The following TTC28 variants were observed in gnomAD, a reference collection of about 807,000 sequenced individuals.
TTC28 encodes the protein tetratricopeptide repeat domain 28.
In TTC28, 61 loss-of-function variants were observed where a neutral mutation model predicts 198.0. The observed-to-expected ratio is 0.31, with a 90% CI of 0.25 to 0.38. The LOEUF (loss-of-function observed/expected upper bound fraction) is 0.38. Ranked by LOEUF, TTC28 falls within the 10% of genes least tolerant of loss-of-function variation. TTC28 has a pLI of 1.00. For missense variants in TTC28, 2,678 were observed against 3,164.0 expected (o/e 0.85, Z 3.69); for synonymous variants, 1,171 against 1,297.8 (o/e 0.90, Z 2.10).
At chr22:28,640,316 G>A (rs574501587) in intron 1 of TTC28, among the ~76,000 whole-genome samples, 1 of 143,258 alleles carries the variant, frequency 7.0e-6, no homozygotes, top group South Asian at 2.5e-4. Flanking sequence ...AAGTAAAGGG[G>A]GGGGGGGGAA....
chr22:28,081,544 G>A (rs1238205595), intron 12 of TTC28, among the ~76,000 whole-genome samples: 1 of 149,592 alleles, frequency 6.7e-6, no homozygotes, highest in African/African-American at 2.5e-5. Flanking sequence ...CTAGGCTGGA[G>A]TGCAGTGACG....
At chr22:28,339,294 T>A (rs1252822383) in intron 2 of TTC28, among the ~76,000 whole-genome samples, 1 of 152,194 alleles carries the variant, frequency 6.6e-6, no homozygotes, top group African/African-American at 2.4e-5. Flanking sequence ...GGTGTCAGTC[T>A]GCCTCTACTG....
At chr22:28,232,901 G>A (rs901089425) in intron 5 of TTC28, 1 of 152,104 alleles carries the variant, frequency 6.6e-6, no homozygotes, top group Non-Finnish European at 1.5e-5. Flanking sequence ...AGGAGTTCAA[G>A]ACCAGCCTGG....
intron 2 of TTC28, among the ~76,000 whole-genome samples, chr22:28,566,065 C>T (rs1309424744): frequency 5.3e-5 from 8 of 151,416 alleles, no homozygotes; most frequent in Non-Finnish European, 1.0e-4. Context: ...GGAATAACAG[C>T]CTTAGCAGAG....
chr22:28,182,251 T>C lies in TTC28; in HGVS notation c.934-18652A>G, dbSNP rs529371105. Reference sequence around the variant, plus strand: ...ATAATTTGACCTGGATTAGGAAACATATTCTATCACAATGCTATCCAATCA... The same window carrying C: ...ATAATTTGACCTGGATTAGGAAACACATTCTATCACAATGCTATCCAATCA... On this transcript the variant is annotated intron_variant, in intron 5 of 22. Transcript: ENST00000397906. 7.9e-5 allele frequency among the ~76,000 whole-genome samples: 12 copies of C among 152,284 alleles called. 1 individual carries two copies. The highest frequency in any genetic ancestry group is 2.9e-4 in the African/African-American group (12 of 41,560).
At chr22:28,305,543 C>A (rs541290426) in intron 3 of TTC28, among the ~76,000 whole-genome samples, 2 of 152,006 alleles carry the variant, frequency 1.3e-5, no homozygotes, top group Non-Finnish European at 2.9e-5. Context: ...TCTAAGGCTG[C>A]GAACATTTTC....
In TTC28 at chr22:28,600,868, G is replaced by T. The variant is rs191411630; in HGVS notation, c.381+28684C>A. On this transcript the variant is annotated intron_variant, in intron 2 of 22. Coordinates refer to ENST00000397906, the MANE Select transcript of TTC28 (RefSeq NM_001145418.2). ...TTCCTGCATGTACTTAAGGCCAATT[G>T]TACTAAAAATATGTCCTTTTCTCAA... Among the ~76,000 whole-genome samples the T allele has an allele frequency of 2.2e-4, 33 of 152,268 alleles. No individual in the cohort carries two copies. In the East Asian group the frequency reaches 6.2e-3, roughly 28 times the overall value.
At chr22:28,459,178 G>A (rs557633837) in intron 2 of TTC28, among the ~76,000 whole-genome samples, 1 of 152,258 alleles carries the variant, frequency 6.6e-6, no homozygotes, top group East Asian at 1.9e-4. Context: ...TGTAATCCCA[G>A]CACTTTGGGA....
intron 1 of TTC28, among the ~76,000 whole-genome samples, chr22:28,644,771 C>T (rs951567991): frequency 9.9e-5 from 15 of 151,670 alleles, no homozygotes; most frequent in Middle Eastern, 6.8e-3. Context: ...TGCAGTAAGC[C>T]GAGATCGCAC....
intron 2 of TTC28, among the ~76,000 whole-genome samples, chr22:28,573,431 C>T (rs1022510142): frequency 1.3e-5 from 2 of 150,678 alleles, no homozygotes; most frequent in East Asian, 2.0e-4. Flanking sequence ...TCCAGCCTGG[C>T]GACAGAGCGA....
intron 2 of TTC28, among the ~76,000 whole-genome samples, chr22:28,504,984 C>T (rs1414059992): frequency 2.0e-5 from 3 of 151,834 alleles, no homozygotes; most frequent in African/African-American, 7.3e-5. Flanking sequence ...GGCCGGGTGC[C>T]GTGACTCACG....
chr22:28,611,210 G>A (rs1447578412), intron 2 of TTC28, among the ~76,000 whole-genome samples: 2 of 152,162 alleles, frequency 1.3e-5, no homozygotes, highest in African/African-American at 4.8e-5. Context: ...AGGAAATACA[G>A]AGAACACCAC....
chr22:28,542,366 AGGAG>A (rs1753894323), intron 2 of TTC28, among the ~76,000 whole-genome samples: 1 of 152,112 alleles, frequency 6.6e-6, no homozygotes, highest in Non-Finnish European at 1.5e-5. Context: ...AAGGTGAGGA[AGGAG>A]GGAGGAACAA....
In TTC28 at chr22:28,107,674, A is replaced by G. The variant is rs1301676109; in HGVS notation, c.2171T>C (p.Phe724Ser). 1.3e-6 allele frequency: 2 copies of G among 1,551,608 alleles called. No homozygotes were observed. The highest frequency in any genetic ancestry group is 4.9e-5 in the East Asian group (2 of 40,920). Residue 724 changes from phenylalanine (F) to serine (S), a missense_variant, in exon 7 of 23, where the codon TTC becomes TCC. Physicochemically the swap from Phe to Ser is radical, Grantham distance 155. This residue lies in a region of TTC28 where 775 missense variants were observed against 845.9 expected (regional missense o/e 0.92). Transcript: ENST00000397906. ...FRALGNLGDI[F>S]ICKKDINGAI... ...ACCATTTATATCTTTTTTACAGATG[A>G]ATATATCGCCCAGGTTTCCTAGGGC...
At chr22:28,209,407 C>A (rs942832206) in intron 5 of TTC28, among the ~76,000 whole-genome samples, 5 of 152,178 alleles carry the variant, frequency 3.3e-5, no homozygotes, top group African/African-American at 1.2e-4. Flanking sequence ...CCGTGACAGA[C>A]CGTACCTGGA....
At chr22:28,269,539 A>G (rs778739710) in intron 5 of TTC28, among the ~76,000 whole-genome samples, 1 of 152,210 alleles carries the variant, frequency 6.6e-6, no homozygotes, top group Non-Finnish European at 1.5e-5. Context: ...CTATAACACA[A>G]TGTTAAAACA....
intron 13 of TTC28, among the ~76,000 whole-genome samples, chr22:28,015,291 C>T (rs1193031665): frequency 6.6e-6 from 1 of 152,130 alleles, no homozygotes; most frequent in Non-Finnish European, 1.5e-5. Flanking sequence ...CCTCTCAGCA[C>T]CTGCCCTGTG....
chr22:28,047,786 T>C (rs1226337615), intron 12 of TTC28, among the ~76,000 whole-genome samples: 2 of 152,174 alleles, frequency 1.3e-5, no homozygotes, highest in Non-Finnish European at 2.9e-5. Flanking sequence ...CATATGACCA[T>C]ATTCAAGTGA....
intron 12 of TTC28, among the ~76,000 whole-genome samples, chr22:28,075,901 T>C (rs191454697): frequency 2.1e-4 from 32 of 152,324 alleles, no homozygotes; most frequent in African/African-American, 7.2e-4. Flanking sequence ...TTTACACGTT[T>C]GTTGCATGCT....
Sources: allele counts gnomAD v4.1 joint callset (sites outside exome capture counted in the v4.1 genomes callset), GRCh38; gene constraint gnomAD v4.1.1; regional missense constraint gnomAD v4.1.1; transcripts MANE v1.5; gene names NCBI Gene and HGNC (gene_info 2026-07-23, HGNC 2026-07-21).